Variants in ZFP64 observed in about 807,000 individuals in gnomAD.
ZFP64 encodes the protein ZFP64 zinc finger protein, also known as zinc finger protein 64.
In ZFP64, 14 loss-of-function variants were observed where a neutral mutation model predicts 51.6. That is an observed-to-expected ratio of 0.27 (90% confidence interval 0.18 to 0.42). ZFP64 has a LOEUF of 0.42. ZFP64 is among the 10% of genes least tolerant of loss of function. The pLI is 1.00. For missense variants in ZFP64, 754 were observed against 906.8 expected (o/e 0.83, Z 2.16); for synonymous variants, 375 against 361.4 (o/e 1.04, Z -0.43).
Position 52,160,498 on chromosome 20 carries a change from A to C in ZFP64, c.512-124T>G. Reference sequence around the variant, plus strand: ...CCGAAGAATATTCCAAAAACCCTAAAACACTGGGTGGATGATTGGCAAAGA... The same window carrying C: ...CCGAAGAATATTCCAAAAACCCTAACACACTGGGTGGATGATTGGCAAAGA... On this transcript the variant is annotated intron_variant, in intron 4 of 5. Transcript: ENST00000216923. The surrounding 1 kb of genome is among the most constrained non-coding windows in gnomAD (Gnocchi z 4.2). 8.5e-6 allele frequency: 11 copies of C among 1,293,806 alleles called. No individual in the cohort carries two copies. The highest frequency in any genetic ancestry group is 1.0e-5 in the Non-Finnish European group (10 of 962,442). 80.1% of individuals were successfully genotyped at this position (1,293,806 alleles called of 1,614,324 possible). A position where few individuals can be genotyped will look rare whatever the true frequency, so the allele number is the denominator to read the frequency against.
rs531601358 is a variant in ZFP64, at chr20:52,133,249, A to G, written c.763+26874T>C. Among the ~76,000 whole-genome samples the G allele has an allele frequency of 3.3e-5, 5 of 152,346 alleles. No homozygotes were observed. In the East Asian group the frequency reaches 5.8e-4, roughly 18 times the overall value. The stretch of plus-strand genomic sequence containing the variant: ...ATACGACAGACCCACAGCTAGTATC[A>G]TAACTAATAGGGAAAAACTGAAAGA... On this transcript the variant is annotated intron_variant, in intron 5 of 8. Transcript: ENST00000361387.
intron 5 of ZFP64, among the ~76,000 whole-genome samples, chr20:52,158,950 A>G (rs1401378624): frequency 1.3e-5 from 2 of 152,218 alleles, no homozygotes; most frequent in Non-Finnish European, 2.9e-5. Context: ...GAGAAGGACA[A>G]GCCTGGGTTA....
chr20:52,161,261 G>T (rs1054645198), intron 4 of ZFP64, among the ~76,000 whole-genome samples: 4 of 152,150 alleles, frequency 2.6e-5, no homozygotes, highest in Non-Finnish European at 5.9e-5. Context: ...CTTGACATCT[G>T]TGAACTACTG....
chr20:52,103,195 G>A (rs529600108), intron 5 of ZFP64, among the ~76,000 whole-genome samples: 1 of 152,242 alleles, frequency 6.6e-6, no homozygotes, highest in African/African-American at 2.4e-5. Flanking sequence ...TAACTCCTGG[G>A]GAAACGGATG....
intron 5 of ZFP64, among the ~76,000 whole-genome samples, chr20:52,114,178 A>C (rs1978746339): frequency 6.6e-6 from 1 of 152,246 alleles, no homozygotes; most frequent in African/African-American, 2.4e-5. Context: ...TTATGATTAA[A>C]GAAATGTTAG....
intron 5 of ZFP64, among the ~76,000 whole-genome samples, chr20:52,100,079 C>T (rs1302848164): frequency 5.3e-5 from 8 of 151,938 alleles, no homozygotes; most frequent in South Asian, 2.1e-4. Flanking sequence ...CTGCAAATTC[C>T]GCCTCCCGGG....
chr20:52,097,330 T>C (rs781254053), intron 7 of ZFP64: 2 of 1,591,412 alleles, frequency 1.3e-6, no homozygotes, highest in African/African-American at 2.7e-5. Flanking sequence ...CACATTCACG[T>C]CCCATCTTTC....
At position 52,191,733 on chromosome 20, in the gene ZFP64, C is replaced by A; in HGVS notation, c.-97G>T. ...ACTTTTCCTTTTATTTTTCCACACC[C>A]CCCACCCTGCCTTCTCCCAACTCTG... On this transcript the variant is annotated 5_prime_UTR_variant, in exon 1 of 6. Coordinates refer to ENST00000216923, the MANE Select transcript of ZFP64 (RefSeq NM_018197.3). The surrounding 1 kb of genome is among the most constrained non-coding windows in gnomAD (Gnocchi z 4.3). 1 of 1,377,320 alleles carries A rather than the reference C, an allele frequency of 7.3e-7. No homozygotes were observed. Among genetic ancestry groups the A allele is most frequent in the Non-Finnish European group, 9.6e-7 (1 of 1,043,002 alleles). 85.3% of individuals were successfully genotyped at this position (1,377,320 alleles called of 1,614,324 possible).
At chr20:52,090,468 G>C (rs2078911180) in intron 7 of ZFP64, among the ~76,000 whole-genome samples, 1 of 152,144 alleles carries the variant, frequency 6.6e-6, no homozygotes. Context: ...AATGGAAAAA[G>C]TATAGCTTTC....
chr20:52,111,096 G>C (rs1359340109), intron 5 of ZFP64: 2 of 955,194 alleles, frequency 2.1e-6, no homozygotes, highest in South Asian at 2.7e-5. Flanking sequence ...GAAGCGGCAG[G>C]GAGAGAGACG....
At chr20:52,177,679 T>C (rs1983330144) in intron 2 of ZFP64, among the ~76,000 whole-genome samples, 1 of 151,820 alleles carries the variant, frequency 6.6e-6, no homozygotes, top group Non-Finnish European at 1.5e-5. Context: ...TTGCCTGTTC[T>C]GGCTATGAGA....
At chr20:52,151,172 A>C (rs1005598812), downstream of ZFP64, 3 of 920,966 alleles carry the variant, frequency 3.3e-6, no homozygotes, top group Non-Finnish European at 3.9e-6. Flanking sequence ...TGTGACGTTT[A>C]TGAAAGGACT....
chr20:52,102,527 C>G (rs2079064214), intron 5 of ZFP64, among the ~76,000 whole-genome samples: 1 of 152,158 alleles, frequency 6.6e-6, no homozygotes, highest in African/African-American at 2.4e-5. Context: ...ATCCTATGTC[C>G]CTCAGGGACA....
At chr20:52,088,637 T>C (rs971453314) in exon 8 of ZFP64, 2 of 1,614,128 alleles carry the variant, frequency 1.2e-6, no homozygotes, top group East Asian at 2.2e-5. Context: ...CTTGTGCGGT[T>C]TGTCTCCTTC....
downstream of ZFP64, among the ~76,000 whole-genome samples, chr20:52,149,196 T>C (rs565639108): frequency 5.3e-4 from 81 of 152,016 alleles, no homozygotes; most frequent in African/African-American, 2.0e-3. Flanking sequence ...GAGACTATCA[T>C]TGTGAAAATT....
chr20:52,105,356 C>G (rs892366801), intron 5 of ZFP64: 29 of 1,243,384 alleles, frequency 2.3e-5, no homozygotes, highest in Non-Finnish European at 2.0e-6. Flanking sequence ...CAATTCTGCT[C>G]ATCAGCCGAG....
chr20:52,091,747 G>A (rs910585778), intron 7 of ZFP64, among the ~76,000 whole-genome samples: 1 of 151,636 alleles, frequency 6.6e-6, no homozygotes, highest in African/African-American at 2.4e-5. Flanking sequence ...CAGCACTTTG[G>A]GAAGCCAAGG....
At position 52,160,111 on chromosome 20, in the gene ZFP64, G is replaced by C; in HGVS notation, c.763+12C>G. ...TGAGGAGCGTAGAGAGCAAATAACA[G>C]GCAGGACTCACCCGTGTGGGATCGC... On this transcript the variant is annotated intron_variant, in intron 5 of 5. Coordinates refer to ENST00000216923, the MANE Select transcript of ZFP64 (RefSeq NM_018197.3). The surrounding 1 kb of genome is among the most constrained non-coding windows in gnomAD (Gnocchi z 4.2). 1.2e-6 allele frequency: 2 copies of C among 1,614,244 alleles called. No homozygotes were observed. The highest frequency in any genetic ancestry group is 1.7e-6 in the Non-Finnish European group (2 of 1,180,050).
intron 5 of ZFP64, among the ~76,000 whole-genome samples, chr20:52,102,148 CCA>C (rs1442267251): frequency 7.3e-6 from 1 of 136,692 alleles, no homozygotes. Context: ...AGGCCCTACT[CCA>C]GACTTACAGA....
Sources: allele counts gnomAD v4.1 joint callset (sites outside exome capture counted in the v4.1 genomes callset), GRCh38; gene constraint gnomAD v4.1.1; non-coding constraint Gnocchi (gnomAD v3.1); transcripts MANE v1.5; gene names NCBI Gene and HGNC (gene_info 2026-07-23, HGNC 2026-07-21).